TNR: variants seen among roughly 807,000 people sequenced by gnomAD.
TNR encodes the protein tenascin R, also known as tenascin-R.
A neutral mutation model predicts 150.4 loss-of-function variants in TNR; 45 were observed. The ratio of observed to expected loss-of-function variants is 0.30; its 90% CI spans 0.24 to 0.38. TNR has a LOEUF of 0.38. Among genes scored for constraint, TNR ranks in the 10% least tolerant of loss-of-function variants. The pLI is 1.00. For missense variants in TNR, 1,544 were observed against 1,759.1 expected (o/e 0.88, Z 2.19); for synonymous variants, 687 against 678.4 (o/e 1.01, Z -0.20).
intron 18 of TNR, among the ~76,000 whole-genome samples, chr1:175,339,874 T>C (rs1044340131): frequency 6.6e-6 from 1 of 152,022 alleles, no homozygotes; most frequent in Admixed American, 6.5e-5. Flanking sequence ...AAACAAACGA[T>C]CTCATGCAGG....
At chr1:175,349,385 AC>A (rs1645756432) in intron 18 of TNR, among the ~76,000 whole-genome samples, 1 of 152,224 alleles carries the variant, frequency 6.6e-6, no homozygotes, top group Admixed American at 6.5e-5. Flanking sequence ...ATGGGTGCCC[AC>A]CATGCAGTAT....
intron 1 of TNR, among the ~76,000 whole-genome samples, chr1:175,722,751 G>A (rs1373961490): frequency 6.6e-6 from 1 of 151,078 alleles, no homozygotes; most frequent in African/African-American, 2.4e-5. Context: ...ACAGGCATGA[G>A]CCACTGTGCC....
At chr1:175,443,675 T>C (rs1341822829) in intron 2 of TNR, among the ~76,000 whole-genome samples, 2 of 152,082 alleles carry the variant, frequency 1.3e-5, no homozygotes, top group East Asian at 3.9e-4. Flanking sequence ...GAGACTTGTT[T>C]TGGCCTTGAG....
chr1:175,611,794 C>A (rs191566594), intron 1 of TNR, among the ~76,000 whole-genome samples: 1 of 152,134 alleles, frequency 6.6e-6, no homozygotes, highest in Admixed American at 6.5e-5. Flanking sequence ...ATAGTCTCTA[C>A]CATCAAGAAG....
rs1487974522 is a variant in TNR, at chr1:175,442,504, G to A, written c.-63-35727C>T. Among the ~76,000 whole-genome samples, 3 of 150,370 alleles carry A rather than the reference G, an allele frequency of 2.0e-5. No individual in the cohort carries two copies. In the East Asian group the frequency reaches 5.8e-4, roughly 29 times the overall value. ...ATTGACTGGATTATTGGAAGATTGA[G>A]AGTGAGAAGGTGGTCTCAAGGCCAA... On this transcript the variant is annotated intron_variant, in intron 2 of 22. Coordinates refer to ENST00000367674, the MANE Select transcript of TNR (RefSeq NM_003285.3).
intron 1 of TNR, among the ~76,000 whole-genome samples, chr1:175,714,818 G>A (rs1185608595): frequency 1.3e-5 from 2 of 152,212 alleles, no homozygotes; most frequent in African/African-American, 4.8e-5. Context: ...TCAGCCCAGA[G>A]TCTGTGGCTC....
At chr1:175,482,832 T>C (rs1042140837) in intron 2 of TNR, among the ~76,000 whole-genome samples, 4 of 152,166 alleles carry the variant, frequency 2.6e-5, no homozygotes, top group African/African-American at 9.7e-5. Context: ...AGAGCAGAAA[T>C]TCAAGCCTGT....
At chr1:175,592,063 C>A (rs1662822025) in intron 1 of TNR, among the ~76,000 whole-genome samples, 1 of 152,154 alleles carries the variant, frequency 6.6e-6, no homozygotes, top group African/African-American at 2.4e-5. Flanking sequence ...TTTACTGCAG[C>A]ATCATGTAGT....
At chr1:175,557,018 T>C (rs1196519307) in intron 1 of TNR, among the ~76,000 whole-genome samples, 1 of 152,236 alleles carries the variant, frequency 6.6e-6, no homozygotes, top group Non-Finnish European at 1.5e-5. Context: ...GAAAGGTCTA[T>C]GTTTCCAGTA....
chr1:175,421,471 T>C (rs1654754520), intron 2 of TNR, among the ~76,000 whole-genome samples: 1 of 152,178 alleles, frequency 6.6e-6, no homozygotes, highest in African/African-American at 2.4e-5. Context: ...GTGAGCTATT[T>C]CCTAAAAGAA....
chr1:175,558,275 T>TA (rs977358731), intron 1 of TNR, among the ~76,000 whole-genome samples: 1,758 of 144,576 alleles, frequency 0.012, 11 homozygotes, highest in African/African-American at 0.02. Context: ...AGTATAATAA[T>TA]AAAAAAAAAA....
At chr1:175,355,699 G>A in intron 16 of TNR, 66 bp from the exon 17 acceptor site, 1 of 1,601,434 alleles carries the variant, frequency 6.2e-7, no homozygotes, top group South Asian at 1.1e-5. Context: ...TTGATTTCAG[G>A]TATGGGTATC....
intron 1 of TNR, among the ~76,000 whole-genome samples, chr1:175,633,171 C>T (rs1340544897): frequency 6.6e-6 from 1 of 152,220 alleles, no homozygotes; most frequent in African/African-American, 2.4e-5. Context: ...AACCTACATC[C>T]ATCCTCTTCA....
intron 2 of TNR, among the ~76,000 whole-genome samples, chr1:175,422,889 T>A (rs901686549): frequency 6.6e-6 from 1 of 152,222 alleles, no homozygotes; most frequent in Non-Finnish European, 1.5e-5. Context: ...TTGGACTTGA[T>A]GAGGTGGTTG....
intron 1 of TNR, among the ~76,000 whole-genome samples, chr1:175,551,324 C>T (rs548254231): frequency 1.3e-5 from 2 of 152,292 alleles, no homozygotes; most frequent in East Asian, 3.9e-4. Context: ...GGGATAATTG[C>T]ATTTTCAGAT....
At chr1:175,513,075 C>G (rs548534126) in intron 2 of TNR, among the ~76,000 whole-genome samples, 17 of 152,292 alleles carry the variant, frequency 1.1e-4, no homozygotes, top group African/African-American at 4.1e-4. Flanking sequence ...CAGGAAACCA[C>G]ATTTTGTAAT....
intron 7 of TNR, among the ~76,000 whole-genome samples, chr1:175,389,754 C>T (rs1653090868): frequency 2.0e-5 from 3 of 152,190 alleles, no homozygotes; most frequent in African/African-American, 7.2e-5. Flanking sequence ...GGGCATCACA[C>T]CTTTCTGCCC....
At chr1:175,679,154 T>A (rs1665954920) in intron 1 of TNR, among the ~76,000 whole-genome samples, 1 of 152,230 alleles carries the variant, frequency 6.6e-6, no homozygotes, top group Non-Finnish European at 1.5e-5. Context: ...GGGGTCAGGG[T>A]AAAGTACAGG....
Position 175,649,570 on chromosome 1 carries a change from A to G in TNR, c.-165+93656T>C, listed in dbSNP as rs572387367. Among the ~76,000 whole-genome samples the G allele has an allele frequency of 5.3e-5, 8 of 152,278 alleles. No homozygotes were observed. In the South Asian group the frequency reaches 1.7e-3, roughly 32 times the overall value. ...GAGCCCGGCACAGAGCCCGGCACACAGAATGGGCCCAATACAAGAGTGACC... is the reference window on the plus strand; with the variant it reads ...GAGCCCGGCACAGAGCCCGGCACACGGAATGGGCCCAATACAAGAGTGACC... On this transcript the variant is annotated intron_variant, in intron 1 of 22. Coordinates refer to ENST00000367674, the MANE Select transcript of TNR (RefSeq NM_003285.3).
Sources: allele counts gnomAD v4.1 joint callset (sites outside exome capture counted in the v4.1 genomes callset), GRCh38; gene constraint gnomAD v4.1.1; transcripts MANE v1.5; gene names NCBI Gene and HGNC (gene_info 2026-07-23, HGNC 2026-07-21).